The following CSNK1G3 variants were observed in gnomAD, a reference collection of about 807,000 sequenced individuals.
CSNK1G3 encodes the protein casein kinase I isoform gamma-3.
Under a neutral mutation model 64.3 loss-of-function variants are expected in CSNK1G3, and 23 were observed. That is an observed-to-expected ratio of 0.36 (90% CI 0.26 to 0.51). The LOEUF is 0.51. Among genes scored for constraint, CSNK1G3 ranks in the 20% least tolerant of loss-of-function variants. The pLI, the probability that CSNK1G3 is intolerant of heterozygous loss-of-function variation, is 0.96. For missense variants in CSNK1G3, 357 were observed against 510.5 expected, an observed-to-expected ratio of 0.70 and a Z score of 2.90; for synonymous variants, 158 against 162.2, an observed-to-expected ratio of 0.97 and a Z score of 0.20.
At chr5:123,607,932 T>C (rs1447666696) in intron 12 of CSNK1G3, among the ~76,000 whole-genome samples, 1 of 152,164 alleles carries the variant, frequency 6.6e-6, no homozygotes, top group East Asian at 1.9e-4. Context: ...TCATACCCTC[T>C]TAATCTGTGA....
At chr5:123,562,781 C>T (rs1211250327) in intron 4 of CSNK1G3, among the ~76,000 whole-genome samples, 1 of 151,710 alleles carries the variant, frequency 6.6e-6, no homozygotes, top group Non-Finnish European at 1.5e-5. Context: ...GAAGTGGTAA[C>T]CAAGGAGATA....
chr5:123,512,265 T>G (rs1442397472), exon 1 of CSNK1G3: 2 of 152,362 alleles, frequency 1.3e-5, no homozygotes, highest in Non-Finnish European at 2.9e-5. Flanking sequence ...CTGCTGTGCA[T>G]TCATTCCGGG....
chr5:123,550,318 G>A (rs771576176), intron 2 of CSNK1G3, among the ~76,000 whole-genome samples: 12 of 152,240 alleles, frequency 7.9e-5, no homozygotes, highest in Admixed American at 4.6e-4. Context: ...TGCTTTAGCT[G>A]TTTCCATCTC....
intron 4 of CSNK1G3, among the ~76,000 whole-genome samples, chr5:123,558,519 T>G (rs1213479174): frequency 6.6e-6 from 1 of 152,226 alleles, no homozygotes; most frequent in Non-Finnish European, 1.5e-5. Flanking sequence ...TGTATCTTTT[T>G]GTAAGCATGT....
chr5:123,559,481 A>G lies in CSNK1G3; in HGVS notation c.289+1917A>G, dbSNP rs1382086796. 2.0e-5 allele frequency among the ~76,000 whole-genome samples: 3 copies of G among 152,182 alleles called. No individual in the cohort carries two copies. The South Asian group carries it at 6.2e-4, about 32-fold the overall frequency. ...AAACATCTTTTAGGACTTGTATGCC[A>G]TAGGACTGCAGTGTTGCACAACTGC... On this transcript the variant is annotated intron_variant, in intron 4 of 12. Coordinates refer to ENST00000345990, the Ensembl canonical transcript of CSNK1G3.
chr5:123,593,289 A>G (rs949942413), intron 10 of CSNK1G3, among the ~76,000 whole-genome samples: 11 of 151,914 alleles, frequency 7.2e-5, no homozygotes, highest in African/African-American at 1.9e-4. Context: ...TGGGATGTGA[A>G]TATACACACT....
intron 1 of CSNK1G3, among the ~76,000 whole-genome samples, chr5:123,543,381 A>G (rs1226179918): frequency 6.6e-6 from 1 of 152,064 alleles, no homozygotes; most frequent in Non-Finnish European, 1.5e-5. Flanking sequence ...AGAGTCTCTC[A>G]GTTCTGTGCA....
intron 1 of CSNK1G3, among the ~76,000 whole-genome samples, chr5:123,538,265 A>C (rs141381282): frequency 6.6e-6 from 1 of 152,156 alleles, no homozygotes; most frequent in South Asian, 2.1e-4. Flanking sequence ...CCTTTTTTCC[A>C]AAGTCATACT....
At chr5:123,584,521 A>G (rs533512621) in intron 6 of CSNK1G3, among the ~76,000 whole-genome samples, 1 of 152,200 alleles carries the variant, frequency 6.6e-6, no homozygotes, top group South Asian at 2.1e-4. Context: ...GTCATGAGGT[A>G]TTATCTTTTT....
At chr5:123,591,464 A>G (rs776085170) in intron 10 of CSNK1G3, 50 bp downstream of exon 10, 1 of 1,235,406 alleles carries the variant, frequency 8.1e-7, no homozygotes, top group Middle Eastern at 1.9e-4. Context: ...ATTGAAACAT[A>G]CACTTTTTTC....
chr5:123,592,967 TG>T (rs1792679164), intron 10 of CSNK1G3, among the ~76,000 whole-genome samples: 1 of 151,920 alleles, frequency 6.6e-6, no homozygotes, highest in Admixed American at 6.6e-5. Context: ...TGAATGTACT[TG>T]GAAGAAGATT....
In CSNK1G3 at chr5:123,536,313, CT is replaced by C. The variant is rs539804544; in HGVS notation, c.-247-9097del. Among the ~76,000 whole-genome samples the C allele has an allele frequency of 3.0e-4, 45 of 151,132 alleles. 1 individual carries two copies. The South Asian group carries it at 7.9e-3, about 27-fold the overall frequency. ...TGGAATTCTTATTACATGTAGCATACTTTTTTTGATATTTGATTAATTAAAC... is the reference window on the plus strand; with the variant it reads ...TGGAATTCTTATTACATGTAGCATACTTTTTTGATATTTGATTAATTAAAC... On this transcript the variant is annotated intron_variant, in intron 1 of 12. Coordinates refer to ENST00000345990, the Ensembl canonical transcript of CSNK1G3.
chr5:123,580,066 G>A (rs1408345169), intron 6 of CSNK1G3, among the ~76,000 whole-genome samples: 1 of 151,968 alleles, frequency 6.6e-6, no homozygotes, highest in Non-Finnish European at 1.5e-5. Flanking sequence ...TTTGTGAGGA[G>A]TCAGGAAGAG....
intron 12 of CSNK1G3, among the ~76,000 whole-genome samples, chr5:123,609,419 A>G (rs1005311195): frequency 6.6e-6 from 1 of 152,174 alleles, no homozygotes; most frequent in Non-Finnish European, 1.5e-5. Context: ...TCTAGTAAAC[A>G]AACTATTCCT....
At chr5:123,615,761 T>C (rs1307661929) in exon 13 of CSNK1G3, 1 of 152,220 alleles carries the variant, frequency 6.6e-6, no homozygotes, top group Non-Finnish European at 1.5e-5. Context: ...ATAATTATTT[T>C]GAATAAATCT....
intron 1 of CSNK1G3, among the ~76,000 whole-genome samples, chr5:123,523,389 G>A (rs1380472038): frequency 6.6e-6 from 1 of 152,052 alleles, no homozygotes; most frequent in Admixed American, 6.5e-5. Context: ...ATTTGATGTT[G>A]CTTCCTGGGT....
rs1346299236 is a variant in CSNK1G3, at chr5:123,570,409, A to G, written c.290-2984A>G. Among the ~76,000 whole-genome samples, 4 of 142,292 alleles carry G rather than the reference A, an allele frequency of 2.8e-5. No individual in the cohort carries two copies. The Admixed American group carries it at 3.0e-4, about 11-fold the overall frequency. 93.3% of individuals were successfully genotyped at this position (142,292 alleles called of 152,430 possible). On this transcript the variant is annotated intron_variant, in intron 4 of 12. Coordinates refer to ENST00000345990, the Ensembl canonical transcript of CSNK1G3. ...TGCTGTGTCAGCCAGGCTGGAGTGC[A>G]GTGGCGCGATCTTGGCTCACTGCAA...
At chr5:123,582,783 G>T (rs911438325) in intron 6 of CSNK1G3, among the ~76,000 whole-genome samples, 3 of 152,080 alleles carry the variant, frequency 2.0e-5, no homozygotes, top group Admixed American at 6.6e-5. Flanking sequence ...TCATGTAAAA[G>T]AACTGTTAAA....
chr5:123,590,603 C>G (rs1792158231), intron 9 of CSNK1G3, 45 bp downstream of exon 9: 2 of 1,185,990 alleles, frequency 1.7e-6, no homozygotes, highest in Non-Finnish European at 2.3e-6. Flanking sequence ...TATCTGTTGC[C>G]TTTTTAATAG....
Sources: allele counts gnomAD v4.1 joint callset (sites outside exome capture counted in the v4.1 genomes callset), GRCh38; gene constraint gnomAD v4.1.1; transcripts MANE v1.5; gene names NCBI Gene and HGNC (gene_info 2026-07-23, HGNC 2026-07-21).